Variants in PARD3 observed in about 807,000 individuals in gnomAD.
PARD3 encodes partitioning defective 3 homolog.
A neutral mutation model predicts 155.4 loss-of-function variants in PARD3; 75 were observed. The ratio of observed to expected loss-of-function variants is 0.48; its 90% CI spans 0.40 to 0.58. PARD3 has a LOEUF of 0.58. Ranked by LOEUF, PARD3 falls within the 20% of genes least tolerant of loss-of-function variation. The probability of loss-of-function intolerance (pLI) is 0.00; values close to 1 mark genes in which losing one functional copy is unlikely to be tolerated. For missense variants in PARD3, 1,642 were observed against 1,721.7 expected (o/e 0.95, Z 0.82); for synonymous variants, 576 against 610.5 (o/e 0.94, Z 0.83).
At chr10:34,639,874 A>G (rs1395599415) in intron 2 of PARD3, among the ~76,000 whole-genome samples, 1 of 151,636 alleles carries the variant, frequency 6.6e-6, no homozygotes, top group Non-Finnish European at 1.5e-5. Flanking sequence ...ACACACACAC[A>G]CCACACACAC....
intron 22 of PARD3, among the ~76,000 whole-genome samples, chr10:34,205,145 GT>G (rs1373592559): frequency 6.6e-6 from 1 of 152,040 alleles, no homozygotes; most frequent in Admixed American, 6.6e-5. Context: ...TCAGTTAGGT[GT>G]GTTATACACC....
intron 23 of PARD3, among the ~76,000 whole-genome samples, chr10:34,129,386 C>T (rs1947466407): frequency 6.6e-6 from 1 of 152,152 alleles, no homozygotes; most frequent in Non-Finnish European, 1.5e-5. Context: ...CACCTGGCCT[C>T]AAGTGATTAG....
intron 2 of PARD3, among the ~76,000 whole-genome samples, chr10:34,685,357 G>T (rs2985302): frequency 0.59 from 89,625 of 152,020 alleles, 27,783 homozygotes; most frequent in Non-Finnish European, 0.67. Context: ...TGCATTAAAA[G>T]CATGTTCTCC....
At chr10:34,340,009 A>G (rs188047661) in intron 16 of PARD3, among the ~76,000 whole-genome samples, 115 of 152,320 alleles carry the variant, frequency 7.5e-4, no homozygotes, top group African/African-American at 2.4e-3. Flanking sequence ...GGATTAGGGA[A>G]GATATTGTCA....
In PARD3 at chr10:34,341,746, C is replaced by T; in HGVS notation, c.2289G>A (p.Leu763=). 1.2e-6 allele frequency: 2 copies of T among 1,613,520 alleles called. No individual in the cohort carries two copies. Among genetic ancestry groups the T allele is most frequent in the Non-Finnish European group, 1.7e-6 (2 of 1,179,478 alleles). The change falls in exon 16 of 25, where the codon TTG becomes TTA. Residue 763 remains leucine, a synonymous_variant. Transcript: ENST00000374788. ...DDTVIIEDDR[L]PVLPPHLSDQ... ...CAGAGAGATGTGGAGGAAGCACTGG[C>T]AACCTGTCATCTTCTATAATGACAG...
chr10:34,540,440 C>T (rs1393424132), intron 2 of PARD3, among the ~76,000 whole-genome samples: 1 of 151,926 alleles, frequency 6.6e-6, no homozygotes, highest in Non-Finnish European at 1.5e-5. Context: ...AGTATAAATA[C>T]AAAGATATAA....
intron 21 of PARD3, among the ~76,000 whole-genome samples, chr10:34,275,684 A>C (rs1419838227): frequency 1.3e-5 from 2 of 152,200 alleles, no homozygotes; most frequent in Non-Finnish European, 2.9e-5. Context: ...TCAGTAAGAA[A>C]ATATTTGGCT....
At chr10:34,265,399 T>C (rs554882019) in intron 22 of PARD3, among the ~76,000 whole-genome samples, 2 of 152,306 alleles carry the variant, frequency 1.3e-5, no homozygotes, top group Admixed American at 6.5e-5. Context: ...TATTTCTGAC[T>C]ATAAGATCAA....
At chr10:34,467,268 G>C (rs1206582694) in intron 4 of PARD3, among the ~76,000 whole-genome samples, 1 of 151,540 alleles carries the variant, frequency 6.6e-6, no homozygotes, top group South Asian at 2.1e-4. Flanking sequence ...AATCCCTATT[G>C]TACGAAAAAT....
chr10:34,198,830 T>C (rs1951077453), intron 22 of PARD3, among the ~76,000 whole-genome samples: 1 of 152,064 alleles, frequency 6.6e-6, no homozygotes, highest in South Asian at 2.1e-4. Context: ...TCCCATGTAT[T>C]TGGGACTGTG....
chr10:34,800,998 C>G (rs947932640), intron 1 of PARD3, among the ~76,000 whole-genome samples: 9 of 152,320 alleles, frequency 5.9e-5, no homozygotes, highest in Non-Finnish European at 1.0e-4. Flanking sequence ...TCCCCCCTAT[C>G]AAAACACTCT....
chr10:34,587,112 AT>A lies in PARD3; in HGVS notation c.223-69954del, dbSNP rs376860441. 3.9e-5 allele frequency among the ~76,000 whole-genome samples: 6 copies of A among 151,944 alleles called. No homozygotes were observed. The South Asian group carries it at 6.3e-4, about 16-fold the overall frequency. ...ATATAAGCCACTGAGGCTAATGTTT[AT>A]TTTTTTTATTGTGTTTTTTTGTTTG... On this transcript the variant is annotated intron_variant, in intron 2 of 24. Coordinates refer to ENST00000374788, the MANE Select transcript of PARD3 (RefSeq NM_001184785.2).
At chr10:34,299,184 C>T (rs1936426) in intron 20 of PARD3, among the ~76,000 whole-genome samples, 82,425 of 151,980 alleles carry the variant, frequency 0.54, 22,606 homozygotes, top group African/African-American at 0.63. Context: ...GAGCCCAGTG[C>T]CTCCCAAAAG....
At position 34,238,447 on chromosome 10, in the gene PARD3, T is replaced by C. The variant is rs534649916; in HGVS notation, c.3419+31210A>G. Among the ~76,000 whole-genome samples the C allele has an allele frequency of 2.0e-5, 3 of 152,306 alleles. No homozygotes were observed. The Middle Eastern group carries it at 0.01, about 518-fold the overall frequency. On this transcript the variant is annotated intron_variant, in intron 22 of 24. Transcript: ENST00000374788. ...GAGGTTTTGTGTTAGCATTTTTCAA[T>C]AGCTAGTTCCACTTAAACAATACAA...
chr10:34,542,234 T>TGTGCGC (rs1554889665), intron 2 of PARD3, among the ~76,000 whole-genome samples: 4 of 146,300 alleles, frequency 2.7e-5, no homozygotes, highest in African/African-American at 1.0e-4. Flanking sequence ...TGTGTGTGTG[T>TGTGCGC]GTGTGCACAC....
At chr10:34,813,059 G>A (rs1844408382) in intron 1 of PARD3, among the ~76,000 whole-genome samples, 2 of 152,150 alleles carry the variant, frequency 1.3e-5, no homozygotes, top group Non-Finnish European at 2.9e-5. Flanking sequence ...TAGATGTCCA[G>A]CACCCAGAAC....
At chr10:34,144,224 G>A (rs1948345529) in intron 22 of PARD3, among the ~76,000 whole-genome samples, 1 of 151,882 alleles carries the variant, frequency 6.6e-6, no homozygotes, top group Non-Finnish European at 1.5e-5. Context: ...AATACTACAT[G>A]TGCATAGTTT....
At chr10:34,399,248 C>T (rs1843650059) in intron 7 of PARD3, 82 bp downstream of exon 7, 2 of 900,400 alleles carry the variant, frequency 2.2e-6, no homozygotes, top group African/African-American at 3.3e-5. Context: ...TATGCTAAGT[C>T]AACACCACTC....
At chr10:34,267,891 G>A (rs545987630) in intron 22 of PARD3, among the ~76,000 whole-genome samples, 35 of 152,226 alleles carry the variant, frequency 2.3e-4, no homozygotes, top group African/African-American at 8.4e-4. Context: ...TGTGTTTTAA[G>A]AAGCCCTCCA....
Sources: gnomAD v4.1 joint callset for allele counts (sites outside exome capture counted in the v4.1 genomes callset) on GRCh38, gnomAD v4.1.1 for gene constraint, MANE v1.5 for transcripts, NCBI Gene and HGNC (gene_info 2026-07-23, HGNC 2026-07-21) for gene names.